The following PPP2R2C variants were observed in gnomAD, a reference collection of about 807,000 sequenced individuals.
PPP2R2C encodes the protein protein phosphatase 2, regulatory subunit B, gamma.
In PPP2R2C, 10 loss-of-function variants were observed where a neutral mutation model predicts 45.3. The ratio of observed to expected loss-of-function variants is 0.22; its 90% CI spans 0.14 to 0.37. PPP2R2C has a LOEUF of 0.37. Among genes scored for constraint, PPP2R2C ranks in the 10% least tolerant of loss-of-function variants. The probability of loss-of-function intolerance (pLI) is 1.00; values close to 1 mark genes in which losing one functional copy is unlikely to be tolerated. For missense variants in PPP2R2C, 308 were observed against 619.7 expected (o/e 0.50, Z 5.34); for synonymous variants, 257 against 245.4 (o/e 1.05, Z -0.44).
chr4:6,411,355 C>T (rs903691229), intron 1 of PPP2R2C, among the ~76,000 whole-genome samples: 1 of 152,216 alleles, frequency 6.6e-6, no homozygotes, highest in Non-Finnish European at 1.5e-5. Context: ...GGAATGAATA[C>T]TGGAGCTGAT....
intron 1 of PPP2R2C, among the ~76,000 whole-genome samples, chr4:6,469,123 G>A (rs1422139942): frequency 4.4e-5 from 6 of 135,140 alleles, no homozygotes; most frequent in Non-Finnish European, 7.7e-5. Flanking sequence ...CTGCTCTGAC[G>A]AATTCACACC....
chr4:6,508,015 C>T lies in PPP2R2C; in HGVS notation c.49+27256G>A, dbSNP rs541823161. Among the ~76,000 whole-genome samples, 7 of 152,290 alleles carry T rather than the reference C, an allele frequency of 4.6e-5. No individual in the cohort carries two copies. In the East Asian group the frequency reaches 7.7e-4, roughly 17 times the overall value. ...GATGCTGAGCACAGTGACACATGCCCGTGGTCTCAGGTACTCAGGAGGATC... is the reference window on the plus strand; with the variant it reads ...GATGCTGAGCACAGTGACACATGCCTGTGGTCTCAGGTACTCAGGAGGATC... On this transcript the variant is annotated intron_variant, in intron 2 of 9. Transcript: ENST00000506140.
chr4:6,327,906 T>A (rs1351107655), intron 8 of PPP2R2C, among the ~76,000 whole-genome samples: 2 of 152,132 alleles, frequency 1.3e-5, no homozygotes, highest in African/African-American at 4.8e-5. Context: ...CACAATGACT[T>A]GGCCCCCCAC....
intron 2 of PPP2R2C, among the ~76,000 whole-genome samples, chr4:6,511,921 G>T (rs1201093667): frequency 8.6e-5 from 2 of 23,130 alleles, no homozygotes; most frequent in African/African-American, 3.1e-4. Context: ...GGTGATGGTG[G>T]TGGTGATGGT....
chr4:6,373,926 T>TGC (rs1282249661), intron 4 of PPP2R2C, among the ~76,000 whole-genome samples: 1 of 151,592 alleles, frequency 6.6e-6, no homozygotes, highest in Non-Finnish European at 1.5e-5. Flanking sequence ...TGTGTGTGTG[T>TGC]GTGCACGCAG....
intron 2 of PPP2R2C, among the ~76,000 whole-genome samples, chr4:6,495,521 C>T (rs1383323803): frequency 6.6e-6 from 1 of 152,234 alleles, no homozygotes; most frequent in Admixed American, 6.5e-5. Context: ...TCTATGTCCT[C>T]CTGGTGAGGG....
intron 6 of PPP2R2C, 87 bp downstream of exon 6, chr4:6,347,759 C>T: frequency 6.9e-7 from 1 of 1,453,002 alleles, no homozygotes; most frequent in Non-Finnish European, 9.2e-7. Context: ...ACACCCACCA[C>T]CCCTGCAGCA....
At chr4:6,529,068 A>G (rs894507919) in intron 2 of PPP2R2C, among the ~76,000 whole-genome samples, 3 of 152,206 alleles carry the variant, frequency 2.0e-5, no homozygotes, top group African/African-American at 7.2e-5. Flanking sequence ...GAGCTGGCCT[A>G]TTCATGTCTC....
intron 5 of PPP2R2C, chr4:6,348,802 T>C (rs935399247): frequency 7.6e-5 from 56 of 736,340 alleles, no homozygotes; most frequent in Non-Finnish European, 9.1e-5. Flanking sequence ...GTGATGCCAT[T>C]GGAATCCTGG....
chr4:6,364,622 A>G lies in PPP2R2C; in HGVS notation c.625+7901T>C, dbSNP rs1714115562. ...CTTCCCAGATGTCATCGTAGCACCC[A>G]GTCCTCAAGCAGCCGTATGGTGTCA... On this transcript the variant is annotated intron_variant, in intron 5 of 8. Coordinates refer to ENST00000382599, the MANE Select transcript of PPP2R2C (RefSeq NM_020416.4). This position sits in a 1 kb window ranked among gnomAD's most constrained non-coding sequence, Gnocchi z 5.3. Among the ~76,000 whole-genome samples, 1 of 152,158 alleles carries G rather than the reference A, an allele frequency of 6.6e-6. No individual in the cohort carries two copies. The highest frequency in any genetic ancestry group is 2.4e-5 in the African/African-American group (1 of 41,434).
rs6853747 is a variant in PPP2R2C, at chr4:6,334,557, A to G, written c.791-826T>C. ...GGTCTCTAAGCTCATTTCTGCTGGTATCTGTCTCACTGGTAGCAGTGACCC... is the reference window on the plus strand; with the variant it reads ...GGTCTCTAAGCTCATTTCTGCTGGTGTCTGTCTCACTGGTAGCAGTGACCC... On this transcript the variant is annotated intron_variant, in intron 6 of 8. Transcript: ENST00000382599. 4.3e-3 allele frequency among the ~76,000 whole-genome samples: 656 copies of G among 152,188 alleles called. 3 individuals carry two copies. Among genetic ancestry groups the G allele is most frequent in the Middle Eastern group, 0.02 (6 of 294 alleles).
rs140434410 is a variant in PPP2R2C at position 6,533,881 on chromosome 4, C to T, written c.49+1390G>A. ...TATGTGTGAACACGCCCCCAATACA[C>T]GCACACATCAACATACAACAAAACA... is the stretch of plus-strand genomic sequence containing the variant. On this transcript the variant is annotated intron_variant, in intron 2 of 9. Coordinates refer to the PPP2R2C transcript ENST00000506140. Among the ~76,000 whole-genome samples, 652 of 152,186 alleles carry T rather than the reference C, an allele frequency of 4.3e-3. 5 individuals are homozygous for T. Among genetic ancestry groups the T allele is most frequent in the African/African-American group, 0.015 (602 of 41,500 alleles).
At chr4:6,370,894 T>C (rs1714762036) in intron 5 of PPP2R2C, among the ~76,000 whole-genome samples, 1 of 152,250 alleles carries the variant, frequency 6.6e-6, no homozygotes. Context: ...CAGAGAAATC[T>C]GAGCTTCAAG....
At position 6,467,932 on chromosome 4, in the gene PPP2R2C, C is replaced by T. The variant is rs147261514; in HGVS notation, c.70+4228G>A. On this transcript the variant is annotated intron_variant, in intron 1 of 8. Coordinates refer to ENST00000382599, the MANE Select transcript of PPP2R2C (RefSeq NM_020416.4). Reference sequence around the variant, plus strand: ...CCCATCACAAGAGAGGGACCAACTACCTGTGGTTCTCCCTACTTTCCACTC... The same window carrying T: ...CCCATCACAAGAGAGGGACCAACTATCTGTGGTTCTCCCTACTTTCCACTC... 2.0e-3 allele frequency among the ~76,000 whole-genome samples: 306 copies of T among 152,278 alleles called. 2 individuals carry two copies. Among genetic ancestry groups the T allele is most frequent in the Middle Eastern group, 0.014 (4 of 294 alleles).
At chr4:6,349,244 C>A in intron 5 of PPP2R2C, 5 of 985,456 alleles carry the variant, frequency 5.1e-6, no homozygotes, top group Non-Finnish European at 6.0e-6. Flanking sequence ...CCCTCTGACT[C>A]TTCAGGTGCA....
At chr4:6,403,859 C>T (rs1440828964) in intron 1 of PPP2R2C, among the ~76,000 whole-genome samples, 3 of 101,690 alleles carry the variant, frequency 3.0e-5, no homozygotes, top group African/African-American at 4.1e-5. Flanking sequence ...TGAAACTCCG[C>T]CTCAGAAAAA....
At chr4:6,405,624 T>C (rs1481028679) in intron 1 of PPP2R2C, among the ~76,000 whole-genome samples, 1 of 151,422 alleles carries the variant, frequency 6.6e-6, no homozygotes, top group East Asian at 1.9e-4. Flanking sequence ...TCCTGGGGAG[T>C]GATTAGATGG....
chr4:6,541,866 G>C (rs1165717488), intron 1 of PPP2R2C, among the ~76,000 whole-genome samples: 1 of 152,178 alleles, frequency 6.6e-6, no homozygotes, highest in Non-Finnish European at 1.5e-5. Context: ...AAAGGGAGGA[G>C]GGGAACCAAG....
At chr4:6,498,499 C>T in intron 2 of PPP2R2C, among the ~76,000 whole-genome samples, 2 of 152,204 alleles carry the variant, frequency 1.3e-5, no homozygotes, top group South Asian at 4.2e-4. Flanking sequence ...ATTTTAAATG[C>T]ATAAAAATAG....
Sources: allele counts gnomAD v4.1 joint callset (sites outside exome capture counted in the v4.1 genomes callset), GRCh38; gene constraint gnomAD v4.1.1; non-coding constraint Gnocchi (gnomAD v3.1); transcripts MANE v1.5; gene names NCBI Gene and HGNC (gene_info 2026-07-23, HGNC 2026-07-21).